SGIP1: variants seen among roughly 807,000 people sequenced by gnomAD.
SGIP1 encodes the protein SH3GL interacting endocytic adaptor 1, also known as SH3-containing GRB2-like protein 3-interacting protein 1.
In SGIP1, 38 loss-of-function variants were observed where a neutral mutation model predicts 107.5. The observed-to-expected ratio is 0.35, with a 90% CI of 0.27 to 0.46. The LOEUF (loss-of-function observed/expected upper bound fraction) is 0.46, where lower values mean the gene tolerates loss of function less well. Ranked by LOEUF, SGIP1 falls within the 20% of genes least tolerant of loss-of-function variation. The pLI is 1.00. For missense variants in SGIP1, 929 were observed against 1,019.5 expected (o/e 0.91, Z 1.21); for synonymous variants, 365 against 366.1 (o/e 1.00, Z 0.03).
chr1:66,622,952 T>G (rs1019295060), intron 1 of SGIP1, among the ~76,000 whole-genome samples: 3 of 152,210 alleles, frequency 2.0e-5, no homozygotes, highest in Admixed American at 6.5e-5. Context: ...TTTTTAAAAC[T>G]TATCGGATTA....
In SGIP1 at chr1:66,677,067, CA is replaced by C; in HGVS notation, c.713del (p.Lys238SerfsTer2). On this transcript the variant is annotated frameshift_variant, in exon 13 of 25. Transcript: ENST00000371037. LOFTEE classifies it high-confidence loss of function. ...GQPINPSMES[P>X]KLTRPFPTGT... Reference sequence around the variant, plus strand: ...CCAATTAATCCAAGCATGGAGTCGCCAAAGTTAACAAGGCCTTTTCCCACTG... The same window carrying C: ...CCAATTAATCCAAGCATGGAGTCGCCAAGTTAACAAGGCCTTTTCCCACTG... 1 of 1,613,830 alleles carries C rather than the reference CA, an allele frequency of 6.2e-7. No homozygotes were observed. Among genetic ancestry groups the C allele is most frequent in the Non-Finnish European group, 8.5e-7 (1 of 1,179,944 alleles).
chr1:66,695,271 A>AAAAAAAAAAAAAAATT, intron 17 of SGIP1, 163 bp from the exon 18 acceptor site: 2 of 1,325,960 alleles, frequency 1.5e-6, no homozygotes, highest in Non-Finnish European at 2.0e-6. Flanking sequence ...AAAAAAAAAA[A>AAAAAAAAAAAAAAATT]GTGTAGATTG....
chr1:66,688,855 CAG>C (rs1317838518), intron 15 of SGIP1, among the ~76,000 whole-genome samples: 2 of 152,114 alleles, frequency 1.3e-5, no homozygotes, highest in Non-Finnish European at 2.9e-5. Context: ...TACCATGCAG[CAG>C]AGAGTCTTAA....
rs192906824 is a variant in SGIP1, at chr1:66,635,986, T to A, written c.142T>A (p.Cys48Ser). The change falls in exon 4 of 25, where the codon TGT becomes AGT. Residue 48 changes from cysteine to serine, a missense_variant. Around this residue, in one of 2 missense-constraint regions of SGIP1, gnomAD observed 588 missense variants for 588.6 expected, o/e 1.00. Transcript: ENST00000371037. ...HEPPYNSKAECAREGGKKVSK... is the reference protein window; with the variant it reads ...HEPPYNSKAESAREGGKKVSK... ...ACCACCCTACAATAGCAAAGCAGAGTGTGCGCGTGAAGGAGGAAAAAAAGT... is the reference window on the plus strand; with the variant it reads ...ACCACCCTACAATAGCAAAGCAGAGAGTGCGCGTGAAGGAGGAAAAAAAGT... 1 of 1,613,450 alleles carries A rather than the reference T, an allele frequency of 6.2e-7. No individual in the cohort carries two copies. The highest frequency in any genetic ancestry group is 1.3e-5 in the African/African-American group (1 of 74,862).
intron 8 of SGIP1, among the ~76,000 whole-genome samples, chr1:66,663,755 G>C (rs1212429355): frequency 6.6e-6 from 1 of 152,000 alleles, no homozygotes; most frequent in African/African-American, 2.4e-5. Flanking sequence ...TTACAAGGTT[G>C]TCTTTTACTA....
intron 1 of SGIP1, among the ~76,000 whole-genome samples, chr1:66,605,637 A>G (rs1447619895): frequency 1.3e-5 from 2 of 151,614 alleles, no homozygotes; most frequent in Non-Finnish European, 2.9e-5. Context: ...AGCCCAAACA[A>G]TGACTCACAA....
At chr1:66,592,625 T>G (rs1314278869) in intron 1 of SGIP1, among the ~76,000 whole-genome samples, 1 of 152,198 alleles carries the variant, frequency 6.6e-6, no homozygotes, top group East Asian at 1.9e-4. Flanking sequence ...ATAGTTTACA[T>G]TAGGATTGAC....
chr1:66,586,497 G>A (rs1557979119), intron 1 of SGIP1, among the ~76,000 whole-genome samples: 1 of 151,932 alleles, frequency 6.6e-6, no homozygotes, highest in South Asian at 2.1e-4. Flanking sequence ...ATTTCTAGTG[G>A]CTGCTCTAGA....
intron 7 of SGIP1, chr1:66,660,146 A>AAGGAAGGAAG (rs761398130): frequency 1.2e-4 from 3 of 25,976 alleles, no homozygotes; most frequent in Admixed American, 4.3e-4. Context: ...GAAAGAAGAG[A>AAGGAAGGAAG]GAAAGAAAGA....
At chr1:66,615,085 C>T (rs1326119201) in intron 1 of SGIP1, among the ~76,000 whole-genome samples, 1 of 151,710 alleles carries the variant, frequency 6.6e-6, no homozygotes, top group Non-Finnish European at 1.5e-5. Context: ...TCTCCTAAAA[C>T]ACTGGGATTA....
chr1:66,578,155 A>G (rs1169050749), intron 1 of SGIP1, among the ~76,000 whole-genome samples: 1 of 152,172 alleles, frequency 6.6e-6, no homozygotes, highest in Non-Finnish European at 1.5e-5. Context: ...ATCCAATGTC[A>G]TGTAATAATA....
rs2092818326 is a variant in SGIP1 at position 66,710,205 on chromosome 1, C to G, written c.1631-9089C>G. ...GCTAAGATTCACAATGTCACAGGAG[C>G]ACACTTACCTTTTCAAGTTAAGCTC... On this transcript the variant is annotated intron_variant, in intron 18 of 24. Coordinates refer to ENST00000371037, the MANE Select transcript of SGIP1 (RefSeq NM_032291.4). Among the ~76,000 whole-genome samples the G allele has an allele frequency of 2.6e-5, 4 of 152,222 alleles. No homozygotes were observed. The South Asian group carries it at 8.3e-4, about 32-fold the overall frequency.
chr1:66,590,088 G>A (rs927491794), intron 1 of SGIP1, among the ~76,000 whole-genome samples: 11 of 152,084 alleles, frequency 7.2e-5, no homozygotes, highest in Non-Finnish European at 1.2e-4. Context: ...CAACCACCAC[G>A]TCCAATTCAA....
chr1:66,622,983 T>G (rs1248450029), intron 1 of SGIP1, among the ~76,000 whole-genome samples: 1 of 152,202 alleles, frequency 6.6e-6, no homozygotes, highest in Non-Finnish European at 1.5e-5. Flanking sequence ...TCTCTTAAAT[T>G]TGTTATTCCT....
chr1:66,693,569 T>A (rs929976445), intron 17 of SGIP1, among the ~76,000 whole-genome samples: 3 of 152,264 alleles, frequency 2.0e-5, no homozygotes, highest in Non-Finnish European at 4.4e-5. Context: ...GCATTTTTCT[T>A]TCTTACTGGT....
intron 1 of SGIP1, among the ~76,000 whole-genome samples, chr1:66,620,306 A>T (rs1054187113): frequency 2.6e-5 from 4 of 152,216 alleles, no homozygotes; most frequent in Non-Finnish European, 5.9e-5. Flanking sequence ...GGTTATTTTT[A>T]AAAAGTTTTT....
chr1:66,539,515 T>C (rs2054391585), intron 1 of SGIP1, among the ~76,000 whole-genome samples: 1 of 152,194 alleles, frequency 6.6e-6, no homozygotes, highest in Non-Finnish European at 1.5e-5. Context: ...ATACTTCACA[T>C]GGCATGACTT....
At chr1:66,692,176 A>G (rs2090012558) in intron 17 of SGIP1, among the ~76,000 whole-genome samples, 1 of 126,528 alleles carries the variant, frequency 7.9e-6, no homozygotes, top group South Asian at 2.5e-4. Flanking sequence ...AAAAAAAAAG[A>G]GAGAGAGAGA....
chr1:66,626,273 G>A (rs996690290), intron 2 of SGIP1, among the ~76,000 whole-genome samples: 1 of 148,800 alleles, frequency 6.7e-6, no homozygotes, highest in Non-Finnish European at 1.5e-5. Flanking sequence ...CTGAACTAAA[G>A]AAACAACAAA....
Sources: gnomAD v4.1 joint callset for allele counts (sites outside exome capture counted in the v4.1 genomes callset) on GRCh38, gnomAD v4.1.1 for gene constraint, gnomAD v4.1.1 regional missense constraint, MANE v1.5 for transcripts, NCBI Gene and HGNC (gene_info 2026-07-23, HGNC 2026-07-21) for gene names.